The following DGKK variants were observed in gnomAD, a reference collection of about 807,000 sequenced individuals.
DGKK encodes the protein diacylglycerol kinase kappa.
In DGKK, 35 loss-of-function variants were observed where a neutral mutation model predicts 92.2. That is an observed-to-expected ratio of 0.38 (90% CI 0.29 to 0.50). The LOEUF (loss-of-function observed/expected upper bound fraction) is 0.50. DGKK is among the 20% of genes least tolerant of loss of function. The pLI, the probability that DGKK is intolerant of heterozygous loss-of-function variation, is 0.92. For missense variants in DGKK, 910 were observed against 992.2 expected (o/e 0.92, Z 1.11); for synonymous variants, 368 against 360.6 (o/e 1.02, Z -0.23).
chrX:50,405,414 T>C (rs1925124936), intron 4 of DGKK, among the ~76,000 whole-genome samples: 1 of 111,468 alleles, frequency 9.0e-6, no homozygotes, highest in African/African-American at 3.3e-5. Flanking sequence ...AGTTCAGACA[T>C]AGGCGTACAC....
intron 1 of DGKK, among the ~76,000 whole-genome samples, chrX:50,431,761 T>C (rs1450566108): frequency 9.0e-6 from 1 of 111,633 alleles, no homozygotes; most frequent in Non-Finnish European, 1.9e-5. Flanking sequence ...GCTTTAGGCT[T>C]TAAGAAAGGT....
intron 1 of DGKK, among the ~76,000 whole-genome samples, chrX:50,464,705 G>A (rs1297805518): frequency 9.1e-6 from 1 of 110,062 alleles, no homozygotes; most frequent in Non-Finnish European, 1.9e-5. Flanking sequence ...TTGTTTTTGG[G>A]AGAATAATAG....
chrX:50,450,082 C>T (rs1208379990), intron 1 of DGKK, among the ~76,000 whole-genome samples: 1 of 111,326 alleles, frequency 9.0e-6, no homozygotes, highest in African/African-American at 3.3e-5. Flanking sequence ...TCCTTGAGGC[C>T]AGCCTTATCC....
chrX:50,462,116 T>C (rs1557233415), intron 1 of DGKK, among the ~76,000 whole-genome samples: 1 of 111,349 alleles, frequency 9.0e-6, no homozygotes, highest in Non-Finnish European at 1.9e-5. Context: ...AATCATTTGT[T>C]CGGTTTGGAA....
intron 4 of DGKK, among the ~76,000 whole-genome samples, chrX:50,409,053 T>C (rs1925241667): frequency 9.0e-6 from 1 of 111,525 alleles, no homozygotes; most frequent in Admixed American, 9.5e-5. Flanking sequence ...TGATTCTATA[T>C]GGAAGTAGGG....
At chrX:50,403,374 T>A in intron 6 of DGKK, 117 bp downstream of exon 6, 1 of 868,248 alleles carries the variant, frequency 1.2e-6, no homozygotes, top group South Asian at 2.3e-5. Context: ...ATAAGTTGGA[T>A]TGTGAGCCTA....
intron 1 of DGKK, among the ~76,000 whole-genome samples, chrX:50,443,183 G>A (rs185324645): frequency 9.0e-6 from 1 of 111,078 alleles, no homozygotes; most frequent in Non-Finnish European, 1.9e-5. Context: ...ATACAAAGGG[G>A]TGAACACCAG....
rs782306219 is a variant in DGKK, at chrX:50,470,556, C to A, written c.123G>T (p.Pro41=). The A allele has an allele frequency of 2.5e-6, 3 of 1,204,482 alleles. No homozygotes were observed. The highest frequency in any genetic ancestry group is 3.5e-5 in the South Asian group (2 of 56,763). The change falls in exon 1 of 28, where the codon CCG becomes CCT. Residue 41 remains proline (P), a synonymous_variant. Transcript: ENST00000611977. ...AAGCCTCGGAGAGCAGCGGCGGAGC[C>A]GGCGGCGGAGCCGGTGGTGGTGGCG... ...PPPPPPPAPP[P]APPLLSEASP...
At chrX:50,469,098 C>T (rs1926985415) in intron 1 of DGKK, among the ~76,000 whole-genome samples, 1 of 111,188 alleles carries the variant, frequency 9.0e-6, no homozygotes, top group Non-Finnish European at 1.9e-5. Context: ...CCCTACTCCC[C>T]TTGGGCGAGT....
intron 8 of DGKK, among the ~76,000 whole-genome samples, chrX:50,394,697 A>C (rs1388739140): frequency 8.9e-6 from 1 of 112,118 alleles, no homozygotes; most frequent in African/African-American, 3.2e-5. Context: ...ACAAGATAGA[A>C]ATAGTCTCTG....
At chrX:50,392,124 G>C (rs1375092686) in intron 10 of DGKK, among the ~76,000 whole-genome samples, 1 of 112,442 alleles carries the variant, frequency 8.9e-6, no homozygotes, top group African/African-American at 3.2e-5. Flanking sequence ...ACAGAGCACT[G>C]CTCGTTCTTT....
chrX:50,376,187 T>A, intron 23 of DGKK, 22 bp from the exon 24 acceptor site: 1 of 1,204,146 alleles, frequency 8.3e-7, no homozygotes, highest in Non-Finnish European at 1.1e-6. Context: ...CAAGGACAGA[T>A]AGATGAGTTG....
intron 1 of DGKK, among the ~76,000 whole-genome samples, chrX:50,429,761 T>C (rs953228239): frequency 3.6e-5 from 4 of 112,589 alleles, no homozygotes; most frequent in Non-Finnish European, 7.5e-5. Context: ...TCCCTCAAAG[T>C]GGCAAATGAT....
At chrX:50,449,075 T>C (rs782092610) in intron 1 of DGKK, among the ~76,000 whole-genome samples, 9 of 111,376 alleles carry the variant, frequency 8.1e-5, no homozygotes, top group Non-Finnish European at 7.6e-5. Context: ...ACACATCAGT[T>C]TCCTTCTTTG....
intron 1 of DGKK, among the ~76,000 whole-genome samples, chrX:50,428,195 A>AATT (rs10665078): frequency 0.32 from 33,434 of 105,232 alleles, 4,419 homozygotes; most frequent in Middle Eastern, 0.41. Flanking sequence ...TCCAATAATA[A>AATT]ATTATTATTA....
At position 50,379,375 on chromosome X, in the gene DGKK, G is replaced by A. The variant is rs147115578; in HGVS notation, c.2862+252C>T. ...AGCCTTTAAAGGATCTGTCAGACCCGAGGAATGGAAAATCCAAAGCCCAGG... is the reference window on the plus strand; with the variant it reads ...AGCCTTTAAAGGATCTGTCAGACCCAAGGAATGGAAAATCCAAAGCCCAGG... On this transcript the variant is annotated intron_variant, in intron 20 of 27. Coordinates refer to ENST00000611977, the MANE Select transcript of DGKK (RefSeq NM_001013742.4). Among the ~76,000 whole-genome samples the A allele has an allele frequency of 2.6e-3, 283 of 107,433 alleles. 1 individual carries two copies. The highest frequency in any genetic ancestry group is 9.2e-3 in the African/African-American group (270 of 29,374). The allele number at this position is 107,433 out of a possible 115,157, so 93.3% of individuals were successfully genotyped here.
At position 50,367,621 on chromosome X, in the gene DGKK, G is replaced by A. The variant is rs1557222599; in HGVS notation, c.*1319C>T. 1.8e-5 allele frequency: 2 copies of A among 111,187 alleles called. No individual in the cohort carries two copies. The highest frequency in any genetic ancestry group is 6.6e-5 in the African/African-American group (2 of 30,529). 9.2% of individuals were successfully genotyped at this position (111,187 alleles called of 1,213,427 possible). A position where few individuals can be genotyped will look rare whatever the true frequency, so the allele number is the denominator to read the frequency against. On this transcript the variant is annotated 3_prime_UTR_variant, in exon 28 of 28. Coordinates refer to ENST00000611977, the MANE Select transcript of DGKK (RefSeq NM_001013742.4). Reference sequence around the variant, plus strand: ...GATGGAGCTTGTGGGGAAGGGCCTAGGCTGTGACTTAATTGTCAGGCAGTC... The same window carrying A: ...GATGGAGCTTGTGGGGAAGGGCCTAAGCTGTGACTTAATTGTCAGGCAGTC...
rs41308608 is a variant in DGKK, at chrX:50,370,596, C to A, written c.3613-47G>T. The A allele has an allele frequency of 3.5e-6, 4 of 1,153,734 alleles. No homozygotes were observed. The South Asian group carries it at 7.9e-5, about 23-fold the overall frequency. Reference sequence around the variant, plus strand: ...GTCAAAATGTTAGTTGCCTAATATTCAAAGATAATTGCTGGAGTCCTGGAA... The same window carrying A: ...GTCAAAATGTTAGTTGCCTAATATTAAAAGATAATTGCTGGAGTCCTGGAA... On this transcript the variant is annotated intron_variant, in intron 26 of 27. Coordinates refer to ENST00000611977, the MANE Select transcript of DGKK (RefSeq NM_001013742.4).
chrX:50,408,410 G>C (rs1280798801), intron 4 of DGKK, among the ~76,000 whole-genome samples: 1 of 111,434 alleles, frequency 9.0e-6, no homozygotes, highest in African/African-American at 3.3e-5. Flanking sequence ...ACGGAGTCTC[G>C]CACCGTGGCC....
Sources: allele counts gnomAD v4.1 joint callset (sites outside exome capture counted in the v4.1 genomes callset), GRCh38; gene constraint gnomAD v4.1.1; transcripts MANE v1.5; gene names NCBI Gene and HGNC (gene_info 2026-07-23, HGNC 2026-07-21).